DIP2C: variants seen among roughly 807,000 people sequenced by gnomAD.
DIP2C encodes disco-interacting protein 2 homolog C.
In DIP2C, 33 loss-of-function variants were observed where a neutral mutation model predicts 192.4. The observed-to-expected ratio is 0.17, with a 90% CI of 0.13 to 0.23. The LOEUF is 0.23. Among genes scored for constraint, DIP2C ranks in the 10% least tolerant of loss-of-function variants. DIP2C has a pLI of 1.00. For synonymous variants in DIP2C, 979 were observed against 864.1 expected, an observed-to-expected ratio of 1.13 and a Z score of -2.33; for missense variants, 1,537 against 2,110.1, an observed-to-expected ratio of 0.73 and a Z score of 5.32.
At chr10:344,648 A>G (rs1252040590) in intron 28 of DIP2C, among the ~76,000 whole-genome samples, 161 bp downstream of exon 28, 2 of 152,216 alleles carry the variant, frequency 1.3e-5, no homozygotes, top group African/African-American at 4.8e-5. Context: ...AAGGATGGAA[A>G]TGGTCATACG....
intron 3 of DIP2C, 59 bp from the exon 4 acceptor site, chr10:441,055 C>T (rs1251609131): frequency 1.5e-5 from 24 of 1,560,942 alleles, no homozygotes; most frequent in Non-Finnish European, 2.0e-5. Flanking sequence ...GGCCAAGCTG[C>T]ACCCTCCTCT....
chr10:550,058 G>A (rs1237088085), intron 1 of DIP2C, among the ~76,000 whole-genome samples: 4 of 148,152 alleles, frequency 2.7e-5, no homozygotes, highest in African/African-American at 5.0e-5. Flanking sequence ...CGCCCAGGCT[G>A]GAGTGCAGTA....
At chr10:453,937 G>A (rs1969068330) in intron 3 of DIP2C, among the ~76,000 whole-genome samples, 1 of 152,204 alleles carries the variant, frequency 6.6e-6, no homozygotes, top group South Asian at 2.1e-4. Flanking sequence ...GAGCCTCTGT[G>A]CACAGCCCTG....
At chr10:339,438 AGAGTGTATTGTTATT>A (rs1280907993) in intron 29 of DIP2C, among the ~76,000 whole-genome samples, 1 of 152,156 alleles carries the variant, frequency 6.6e-6, no homozygotes, top group Non-Finnish European at 1.5e-5. Flanking sequence ...AAACCCTTAA[AGAGTGTATTGTTATT>A]GTGGGTTCAC....
chr10:502,079 G>A (rs763033109), intron 1 of DIP2C, among the ~76,000 whole-genome samples: 18 of 152,276 alleles, frequency 1.2e-4, no homozygotes, highest in South Asian at 2.1e-4. Context: ...CTGGGAGGTC[G>A]AGGTTGCACT....
At position 605,373 on chromosome 10, in the gene DIP2C, A is replaced by C. The variant is rs572997468; in HGVS notation, c.85+84121T>G. On this transcript the variant is annotated intron_variant, in intron 1 of 36. Transcript: ENST00000280886. ...TCACTACAGGTTCCAGAATTTCCTG[A>C]AACATTCTTTCAATTTATCACTCAT... 2.0e-5 allele frequency among the ~76,000 whole-genome samples: 3 copies of C among 152,218 alleles called. No homozygotes were observed. The South Asian group carries it at 6.2e-4, about 32-fold the overall frequency.
intron 1 of DIP2C, among the ~76,000 whole-genome samples, chr10:551,120 A>G (rs567092101): frequency 2.0e-5 from 3 of 152,240 alleles, no homozygotes; most frequent in African/African-American, 7.2e-5. Flanking sequence ...CCCTCACTAG[A>G]CACTGTGGCT....
intron 13 of DIP2C, 53 bp downstream of exon 13, chr10:389,938 C>A: frequency 7.0e-7 from 1 of 1,437,774 alleles, no homozygotes; most frequent in South Asian, 1.2e-5. Flanking sequence ...GCCTTCGTGT[C>A]AGGTGTCCCG....
chr10:665,047 G>C (rs1197515530), intron 1 of DIP2C: 3 of 152,206 alleles, frequency 2.0e-5, no homozygotes, highest in Admixed American at 2.0e-4. Flanking sequence ...GTCTGCTGAG[G>C]AACAGATCAA....
intron 1 of DIP2C, among the ~76,000 whole-genome samples, chr10:541,763 G>A (rs570404552): frequency 2.1e-5 from 3 of 146,266 alleles, no homozygotes; most frequent in East Asian, 2.0e-4. Context: ...CATCTCTCCT[G>A]GACCCCACAG....
intron 32 of DIP2C, among the ~76,000 whole-genome samples, chr10:290,459 G>C (rs1285811896): frequency 6.6e-6 from 1 of 152,246 alleles, no homozygotes; most frequent in Non-Finnish European, 1.5e-5. Context: ...ACTGACCACG[G>C]AGAAGCTCAC....
chr10:356,807 T>C (rs1390051890), intron 23 of DIP2C, among the ~76,000 whole-genome samples: 1 of 152,184 alleles, frequency 6.6e-6, no homozygotes, highest in Non-Finnish European at 1.5e-5. Context: ...TTTCTGAAAG[T>C]CTGCCCAAGG....
intron 3 of DIP2C, among the ~76,000 whole-genome samples, chr10:454,439 G>C (rs1426546827): frequency 6.6e-6 from 1 of 152,142 alleles, no homozygotes; most frequent in Non-Finnish European, 1.5e-5. Flanking sequence ...AAACCCCTCA[G>C]AGAAAGAGGT....
In DIP2C at chr10:277,454, G is replaced by T; in HGVS notation, c.4542C>A (p.Val1514=). The T allele has an allele frequency of 1.9e-6, 3 of 1,614,160 alleles. No individual in the cohort carries two copies. The highest frequency in any genetic ancestry group is 2.5e-6 in the Non-Finnish European group (3 of 1,180,036). The part of the protein sequence containing the change: ...NVVLEEHYLI[V]GVVVVVDIGV... ...CGATGTCCACCACGACCACCACTCC[G>T]ACGATCAGGTAGTGCTCCTCCAGGA... Residue 1514 remains valine (V), a synonymous_variant, in exon 37 of 37, where the codon GTC becomes GTA. Transcript: ENST00000280886.
At chr10:503,195 G>A (rs1200301222) in intron 1 of DIP2C, among the ~76,000 whole-genome samples, 1 of 142,602 alleles carries the variant, frequency 7.0e-6, no homozygotes, top group South Asian at 2.3e-4. Flanking sequence ...GACTTACCAC[G>A]ATTCCAACAT....
intron 1 of DIP2C, among the ~76,000 whole-genome samples, chr10:654,080 A>G (rs1410045984): frequency 6.6e-6 from 1 of 152,224 alleles, no homozygotes; most frequent in East Asian, 1.9e-4. Context: ...ATGACCCCAC[A>G]GCAGATGCAC....
intron 1 of DIP2C, among the ~76,000 whole-genome samples, chr10:605,463 A>G (rs1852392880): frequency 6.6e-6 from 1 of 152,224 alleles, no homozygotes; most frequent in Non-Finnish European, 1.5e-5. Flanking sequence ...ACAACAAATA[A>G]GATCAACTGA....
At position 443,853 on chromosome 10, in the gene DIP2C, G is replaced by A. The variant is rs145031216; in HGVS notation, c.269-2857C>T. On this transcript the variant is annotated intron_variant, in intron 3 of 36. Coordinates refer to ENST00000280886, the MANE Select transcript of DIP2C (RefSeq NM_014974.3). ...AAAAATCTATCAAATAGAGTTCAGT[G>A]TTCATTTACAATTATTTTTTCATTG... Among the ~76,000 whole-genome samples, 1,009 of 152,260 alleles carry A rather than the reference G, an allele frequency of 6.6e-3. 15 individuals are homozygous for A. Among genetic ancestry groups the A allele is most frequent in the African/African-American group, 0.022 (928 of 41,540 alleles).
Position 357,814 on chromosome 10 carries a change from G to T in DIP2C, c.2904+14C>A, listed in dbSNP as rs771754897. 6.2e-7 allele frequency: 1 copy of T among 1,603,268 alleles called. No homozygotes were observed. The highest frequency in any genetic ancestry group is 8.5e-7 in the Non-Finnish European group (1 of 1,171,966). On this transcript the variant is annotated intron_variant, in intron 23 of 36. Coordinates refer to ENST00000280886, the MANE Select transcript of DIP2C (RefSeq NM_014974.3). ...TCGGGGACGGTCGGGGAGACTCAGG[G>T]ACCCAGCTCCTACCTTGCGTGCCTG...
Sources: gnomAD v4.1 joint callset for allele counts (sites outside exome capture counted in the v4.1 genomes callset) on GRCh38, gnomAD v4.1.1 for gene constraint, MANE v1.5 for transcripts, NCBI Gene and HGNC (gene_info 2026-07-23, HGNC 2026-07-21) for gene names.